Variants in UBE2H observed in about 807,000 individuals in gnomAD.
UBE2H encodes ubiquitin-conjugating enzyme E2 H.
UBE2H carries 3 observed loss-of-function variants against 29.0 expected under a neutral mutation model. The ratio of observed to expected loss-of-function variants is 0.10; its 90% CI spans 0.05 to 0.27. UBE2H has a LOEUF of 0.27. Among genes scored for constraint, UBE2H ranks in the 10% least tolerant of loss-of-function variants. The probability of loss-of-function intolerance (pLI) is 1.00; values close to 1 mark genes in which losing one functional copy is unlikely to be tolerated. For synonymous variants in UBE2H, 69 were observed against 82.9 expected (o/e 0.83, Z 0.91); for missense variants, 68 against 228.2 (o/e 0.30, Z 4.52).
chr7:129,930,580 C>T (rs1257395300), intron 1 of UBE2H, among the ~76,000 whole-genome samples: 2 of 151,944 alleles, frequency 1.3e-5, no homozygotes, highest in Non-Finnish European at 2.9e-5. Context: ...ACCAGCCTGG[C>T]CAACATGGTG....
intron 1 of UBE2H, among the ~76,000 whole-genome samples, chr7:129,910,727 C>CA (rs1374188213): frequency 6.6e-6 from 1 of 151,944 alleles, no homozygotes; most frequent in East Asian, 1.9e-4. Flanking sequence ...ACTAAAAATA[C>CA]AAAAATTAGC....
intron 1 of UBE2H, among the ~76,000 whole-genome samples, chr7:129,938,413 CAAAAAAAAAAAAAAAA>C (rs34454670): frequency 1.1e-4 from 4 of 38,020 alleles, no homozygotes; most frequent in Non-Finnish European, 1.6e-4. Flanking sequence ...CTGCCTCATT[CAAAAAAAAAAAAAAAA>C]AAAAAAAAAA....
At chr7:129,853,214 C>A (rs1563022748) in intron 5 of UBE2H, among the ~76,000 whole-genome samples, 1 of 151,908 alleles carries the variant, frequency 6.6e-6, no homozygotes, top group Non-Finnish European at 1.5e-5. Context: ...GATAAGCCAA[C>A]TACAGATAAA....
chr7:129,919,152 GA>G (rs532397257), intron 1 of UBE2H, among the ~76,000 whole-genome samples: 293 of 143,962 alleles, frequency 2.0e-3, no homozygotes, highest in Non-Finnish European at 3.7e-3. Context: ...TGGATGAAAG[GA>G]AATGTGTCAT....
intron 1 of UBE2H, among the ~76,000 whole-genome samples, chr7:129,929,601 C>T (rs1807346013): frequency 6.6e-6 from 1 of 152,210 alleles, no homozygotes; most frequent in South Asian, 2.1e-4. Flanking sequence ...AAACCAGACA[C>T]TGTTTACTGA....
intron 1 of UBE2H, among the ~76,000 whole-genome samples, chr7:129,943,795 G>C (rs767664942): frequency 6.6e-6 from 1 of 152,008 alleles, no homozygotes; most frequent in Non-Finnish European, 1.5e-5. Context: ...CCAGCTACTC[G>C]GGAGGGTGAG....
chr7:129,948,075 G>C (rs1375121694), intron 1 of UBE2H, among the ~76,000 whole-genome samples: 6 of 151,972 alleles, frequency 3.9e-5, no homozygotes, highest in Admixed American at 3.3e-4. Context: ...GGCCAGGCTT[G>C]TCCCGAACTC....
At chr7:129,891,133 C>CAAA (rs200458594) in intron 1 of UBE2H, among the ~76,000 whole-genome samples, 21 of 146,188 alleles carry the variant, frequency 1.4e-4, no homozygotes, top group Admixed American at 2.7e-4. Flanking sequence ...AAGACTCTCT[C>CAAA]AAAAAAAAAA....
chr7:129,918,551 C>A (rs762797557), intron 1 of UBE2H, among the ~76,000 whole-genome samples: 2 of 152,060 alleles, frequency 1.3e-5, no homozygotes, highest in Non-Finnish European at 2.9e-5. Context: ...AAAATAGAGA[C>A]AGGGTTTTGC....
At chr7:129,854,060 G>GTTTTTTTTTGTTT (rs1554430937) in intron 5 of UBE2H, among the ~76,000 whole-genome samples, 1 of 100,312 alleles carries the variant, frequency 1.0e-5, no homozygotes, top group African/African-American at 4.0e-5. Context: ...TTTAGTGTTA[G>GTTTTTTTTTGTTT]TTTTTTTTTT....
At chr7:129,895,257 C>A (rs917491382) in intron 1 of UBE2H, among the ~76,000 whole-genome samples, 5 of 152,022 alleles carry the variant, frequency 3.3e-5, no homozygotes, top group African/African-American at 4.8e-5. Flanking sequence ...CACATGGGGG[C>A]TATGGCATGA....
rs34701981 is a variant in UBE2H at position 129,863,808 on chromosome 7, G to GTTTTTTTTTTTT, written c.206-4879_206-4868dup. Reference sequence around the variant, plus strand: ...AAAATGATCTCTTCCAATACTAGGTGTTTTTTTTTTTTTTTGAGATAAGGT... The same window carrying GTTTTTTTTTTTT: ...AAAATGATCTCTTCCAATACTAGGTGTTTTTTTTTTTTTTTTTTTTTTTTTTTGAGATAAGGT... On this transcript the variant is annotated intron_variant, in intron 3 of 6. Transcript: ENST00000355621. Among the ~76,000 whole-genome samples the GTTTTTTTTTTTT allele has an allele frequency of 4.4e-4, 60 of 136,022 alleles. 3 individuals are homozygous for GTTTTTTTTTTTT. Among genetic ancestry groups the GTTTTTTTTTTTT allele is most frequent in the African/African-American group, 1.0e-3 (37 of 36,334 alleles). 89.2% of individuals were successfully genotyped at this position (136,022 alleles called of 152,430 possible). A position where few individuals can be genotyped will look rare whatever the true frequency, so the allele number is the denominator to read the frequency against.
At position 129,887,812 on chromosome 7, in the gene UBE2H, A is replaced by C. The variant is rs553245685; in HGVS notation, c.54-6841T>G. ...TACTCGGGAGGCGGAGATTACGGTG[A>C]GCCAAAGTTACGGTGAGCTGAGATC... is the stretch of plus-strand genomic sequence containing the variant. On this transcript the variant is annotated intron_variant, in intron 1 of 6. Transcript: ENST00000355621. 1.1e-3 allele frequency among the ~76,000 whole-genome samples: 162 copies of C among 152,192 alleles called. 1 individual carries two copies. The highest frequency in any genetic ancestry group is 3.3e-3 in the African/African-American group (138 of 41,524).
intron 5 of UBE2H, among the ~76,000 whole-genome samples, chr7:129,841,661 G>A (rs1000432498): frequency 7.2e-5 from 11 of 152,168 alleles, no homozygotes; most frequent in Admixed American, 6.6e-4. Flanking sequence ...TCACACACCA[G>A]GTATTGACAC....
intron 1 of UBE2H, among the ~76,000 whole-genome samples, chr7:129,926,808 CAG>C (rs1807279472): frequency 6.6e-6 from 1 of 152,186 alleles, no homozygotes; most frequent in South Asian, 2.1e-4. Context: ...CTACTGGTTG[CAG>C]AGTGTCAGAT....
chr7:129,871,888 C>T (rs1321456835), intron 3 of UBE2H, among the ~76,000 whole-genome samples: 1 of 152,114 alleles, frequency 6.6e-6, no homozygotes, highest in Non-Finnish European at 1.5e-5. Context: ...CTCTTGTCGC[C>T]CAGGCTGGAG....
intron 1 of UBE2H, among the ~76,000 whole-genome samples, chr7:129,881,862 C>A (rs960360198): frequency 1.3e-5 from 2 of 152,148 alleles, no homozygotes; most frequent in African/African-American, 4.8e-5. Flanking sequence ...AGAGTTCCCA[C>A]AATTGTCTCC....
intron 1 of UBE2H, among the ~76,000 whole-genome samples, chr7:129,925,372 A>G (rs1807245759): frequency 6.6e-6 from 1 of 152,106 alleles, no homozygotes; most frequent in Non-Finnish European, 1.5e-5. Flanking sequence ...TTCATAAACA[A>G]AAATTCACGG....
At chr7:129,871,501 G>GGTCA (rs1290259330) in intron 3 of UBE2H, among the ~76,000 whole-genome samples, 3 of 152,098 alleles carry the variant, frequency 2.0e-5, no homozygotes, top group African/African-American at 7.2e-5. Context: ...GATCACCTGA[G>GGTCA]GTCAGGAGTT....
Sources: allele counts gnomAD v4.1 joint callset (sites outside exome capture counted in the v4.1 genomes callset), GRCh38; gene constraint gnomAD v4.1.1; transcripts MANE v1.5; gene names NCBI Gene and HGNC (gene_info 2026-07-23, HGNC 2026-07-21).